The following XNDC1N variants were observed in gnomAD, a reference collection of about 807,000 sequenced individuals.
XNDC1N encodes the protein protein XNDC1N.
the XNDC1N span, among the ~76,000 whole-genome samples, chr11:71,927,392 G>A: frequency 9.2e-5 from 14 of 152,048 alleles, no homozygotes; most frequent in South Asian, 1.2e-3. Context: ...GCGTGGTGGC[G>A]CGTACGTAGT....
the XNDC1N span, among the ~76,000 whole-genome samples, chr11:71,913,457 G>A: frequency 6.6e-5 from 10 of 151,938 alleles, no homozygotes; most frequent in South Asian, 4.2e-4. Context: ...TCACAAGATC[G>A]AGACCAGCCT....
the XNDC1N span, among the ~76,000 whole-genome samples, chr11:71,880,533 T>C: frequency 1.3e-5 from 2 of 152,196 alleles, no homozygotes; most frequent in African/African-American, 4.8e-5. Context: ...CTCTGATTTT[T>C]ATTATTTCTT....
chr11:71,914,887 C>T, the XNDC1N span, among the ~76,000 whole-genome samples: 3 of 152,238 alleles, frequency 2.0e-5, no homozygotes, highest in East Asian at 5.8e-4. Flanking sequence ...AAGATTTAGA[C>T]TATGACATAA....
chr11:71,915,867 C>T, the XNDC1N span, among the ~76,000 whole-genome samples: 1 of 152,176 alleles, frequency 6.6e-6, no homozygotes, highest in African/African-American at 2.4e-5. Flanking sequence ...AAGGCTCACT[C>T]ACTTGCATAT....
At chr11:71,887,315 T>C in the XNDC1N span, among the ~76,000 whole-genome samples, 1 of 152,092 alleles carries the variant, frequency 6.6e-6, no homozygotes, top group Admixed American at 6.5e-5. Context: ...ATTCATCAGT[T>C]TTGGTACATG....
At chr11:71,921,359 GTCT>G in the XNDC1N span, among the ~76,000 whole-genome samples, 1 of 152,098 alleles carries the variant, frequency 6.6e-6, no homozygotes, top group Non-Finnish European at 1.5e-5. Context: ...TCCCAGGCTG[GTCT>G]TCAACTCCTG....
chr11:71,899,444 A>G, the XNDC1N span, among the ~76,000 whole-genome samples: 5 of 152,212 alleles, frequency 3.3e-5, no homozygotes, highest in African/African-American at 9.7e-5. Context: ...CCATTTGGAG[A>G]AAGACCTGAA....
At chr11:71,867,569 GTTGT>G in the XNDC1N span, among the ~76,000 whole-genome samples, 1 of 152,172 alleles carries the variant, frequency 6.6e-6, no homozygotes, top group Admixed American at 6.5e-5. Flanking sequence ...TCAGGAGCAG[GTTGT>G]TTAATTTCCA....
the XNDC1N span, chr11:71,928,360 C>G: frequency 1.5e-6 from 1 of 656,438 alleles, no homozygotes; most frequent in African/African-American, 1.8e-5. Flanking sequence ...CCCAACGCCC[C>G]TCACCCGGGA....
the XNDC1N span, among the ~76,000 whole-genome samples, chr11:71,903,008 T>C: frequency 6.6e-6 from 1 of 152,240 alleles, no homozygotes; most frequent in African/African-American, 2.4e-5. Context: ...ATGAAAGCAT[T>C]ATAAGACAAT....
At chr11:71,886,020 C>A in the XNDC1N span, among the ~76,000 whole-genome samples, 1 of 151,992 alleles carries the variant, frequency 6.6e-6, no homozygotes, top group African/African-American at 2.4e-5. Context: ...CGGTAAGTCG[C>A]ATTGCGCCAT....
chr11:71,891,084 A>C, the XNDC1N span, among the ~76,000 whole-genome samples: 1 of 152,008 alleles, frequency 6.6e-6, no homozygotes. Flanking sequence ...TATTCAACGT[A>C]ACCTTATCCT....
chr11:71,898,815 C>A, the XNDC1N span, among the ~76,000 whole-genome samples: 2 of 152,088 alleles, frequency 1.3e-5, no homozygotes, highest in East Asian at 1.9e-4. Flanking sequence ...ACAATGTGAA[C>A]GTACTTAATG....
the XNDC1N span, among the ~76,000 whole-genome samples, chr11:71,887,949 G>A: frequency 1.0e-5 from 1 of 99,300 alleles, no homozygotes; most frequent in Non-Finnish European, 1.7e-5. Context: ...CCGGAGTCAG[G>A]TGTCACTACT....
chr11:71,881,843 CA>C, the XNDC1N span, among the ~76,000 whole-genome samples: 1 of 151,766 alleles, frequency 6.6e-6, no homozygotes, highest in African/African-American at 2.4e-5. Context: ...TTAAAAAGAA[CA>C]GAATATTTAA....
the XNDC1N span, among the ~76,000 whole-genome samples, chr11:71,875,505 T>A: frequency 6.6e-6 from 1 of 152,034 alleles, no homozygotes; most frequent in Non-Finnish European, 1.5e-5. Context: ...AGCAAAAGTA[T>A]ATTCAATGGA....
At chr11:71,870,969 T>A in the XNDC1N span, among the ~76,000 whole-genome samples, 3 of 152,308 alleles carry the variant, frequency 2.0e-5, no homozygotes, top group Admixed American at 2.0e-4. Flanking sequence ...GGAAAACTTA[T>A]AAGTTTCTGA....
At chr11:71,888,091 C>T in the XNDC1N span, among the ~76,000 whole-genome samples, 446 of 152,234 alleles carry the variant, frequency 2.9e-3, 7 homozygotes, top group African/African-American at 0.01. Context: ...AGGTTGATGA[C>T]CTTCTGCTGG....
the XNDC1N span, among the ~76,000 whole-genome samples, chr11:71,899,594 T>C: frequency 2.0e-5 from 3 of 152,346 alleles, no homozygotes; most frequent in South Asian, 6.2e-4. Flanking sequence ...ACGTGCCTTG[T>C]TAACAAGATG....
Sources: gnomAD v4.1 joint callset for allele counts (sites outside exome capture counted in the v4.1 genomes callset) on GRCh38, gnomAD v4.1.1 for gene constraint, MANE v1.5 for transcripts, NCBI Gene and HGNC (gene_info 2026-07-23, HGNC 2026-07-21) for gene names.